Variants in E2F3 observed in about 807,000 individuals in gnomAD.
The protein encoded by E2F3 is E2F transcription factor 3, also known as transcription factor E2F3.
In E2F3, 11 loss-of-function variants were observed where a neutral mutation model predicts 44.4. That is an observed-to-expected ratio of 0.25 (90% confidence interval 0.16 to 0.41). The LOEUF (loss-of-function observed/expected upper bound fraction) is 0.41. Among genes scored for constraint, E2F3 ranks in the 10% least tolerant of loss-of-function variants. The pLI, the probability that E2F3 is intolerant of heterozygous loss-of-function variation, is 1.00. For missense variants in E2F3, 487 were observed against 583.6 expected (o/e 0.83, Z 1.70); for synonymous variants, 249 against 253.0 (o/e 0.98, Z 0.15).
At chr6:20,405,816 C>T (rs1248573796) in intron 1 of E2F3, among the ~76,000 whole-genome samples, 3 of 151,832 alleles carry the variant, frequency 2.0e-5, no homozygotes, top group Admixed American at 6.6e-5. Context: ...AGCGAGATTC[C>T]GTCTCAAAAA....
At position 20,491,622 on chromosome 6, in the gene E2F3, A is replaced by T. The variant is rs1762555200; in HGVS notation, c.*1192A>T. ...GGGCTCTCTTACACCGCACTCAGGGAGACCACTTCTCAGGATGGGGTCAGA... is the reference window on the plus strand; with the variant it reads ...GGGCTCTCTTACACCGCACTCAGGGTGACCACTTCTCAGGATGGGGTCAGA... On this transcript the variant is annotated 3_prime_UTR_variant, in exon 7 of 7. Transcript: ENST00000346618. The T allele has an allele frequency of 5.1e-6, 1 of 194,304 alleles. No individual in the cohort carries two copies. The highest frequency in any genetic ancestry group is 1.1e-5 in the Non-Finnish European group (1 of 92,970). 12.0% of individuals were successfully genotyped at this position (194,304 alleles called of 1,614,324 possible).
intron 6 of E2F3, among the ~76,000 whole-genome samples, chr6:20,488,883 A>C (rs1762475940): frequency 6.6e-6 from 1 of 151,974 alleles, no homozygotes. Flanking sequence ...AATCCCTGCT[A>C]CTCGGGAGGC....
intron 1 of E2F3, chr6:20,452,505 C>T (rs2127601598): frequency 6.6e-6 from 1 of 152,160 alleles, no homozygotes; most frequent in Non-Finnish European, 1.5e-5. Flanking sequence ...GCACTCCTGT[C>T]AACTTAATTA....
In E2F3 at chr6:20,490,294, C is replaced by T. The variant is rs1417561849; in HGVS notation, c.1262C>T (p.Pro421Leu). 1.9e-6 allele frequency: 3 copies of T among 1,614,126 alleles called. No homozygotes were observed. The Admixed American group carries it at 5.0e-5, about 27-fold the overall frequency. ...EDQIPSNLEGPFVNLLPPLLQ... is the reference protein window; with the variant it reads ...EDQIPSNLEGLFVNLLPPLLQ... The stretch of plus-strand genomic sequence containing the variant: ...CAAATTCCTTCCAACCTAGAAGGAC[C>T]GTTTGTGAACTTACTGCCTCCCCTG... Residue 421 changes from proline (P) to leucine (L), a missense_variant, in exon 7 of 7, where the codon CCG (proline) becomes CTG (leucine). Pro to Leu is a moderately conservative substitution (Grantham distance 98). Around this residue, in one of 3 missense-constraint regions of E2F3, gnomAD observed 220 missense variants for 261.7 expected, o/e 0.84. Coordinates refer to ENST00000346618, the MANE Select transcript of E2F3 (RefSeq NM_001949.5). The surrounding 1 kb of genome is among the most constrained non-coding windows in gnomAD (Gnocchi z 4.3).
intron 1 of E2F3, among the ~76,000 whole-genome samples, chr6:20,475,432 G>A (rs1762013969): frequency 6.6e-6 from 1 of 152,194 alleles, no homozygotes; most frequent in African/African-American, 2.4e-5. Context: ...ACCAGTGGGT[G>A]GTTCTTTACT....
rs979316507 is a variant in E2F3, at chr6:20,491,990, C to T, written c.*1560C>T. The stretch of plus-strand genomic sequence containing the variant: ...GGGAATATGGCGTAGTATCTCCGGT[C>T]CATTCCTTGGATGCTAAGGACTGCG... On this transcript the variant is annotated 3_prime_UTR_variant, in exon 7 of 7. Coordinates refer to ENST00000346618, the MANE Select transcript of E2F3 (RefSeq NM_001949.5). 1 of 187,832 alleles carries T rather than the reference C, an allele frequency of 5.3e-6. No individual in the cohort carries two copies. The highest frequency in any genetic ancestry group is 2.3e-5 in the African/African-American group (1 of 42,786). The allele number at this position is 187,832 out of a possible 1,614,324, so 11.6% of individuals were successfully genotyped here. A position where few individuals can be genotyped will look rare whatever the true frequency, so the allele number is the denominator to read the frequency against.
At chr6:20,450,962 T>G (rs1022871434) in intron 1 of E2F3, among the ~76,000 whole-genome samples, 2 of 152,150 alleles carry the variant, frequency 1.3e-5, no homozygotes, top group African/African-American at 4.8e-5. Flanking sequence ...ACTTCTGGGC[T>G]CTCATTCTGT....
At chr6:20,446,072 GAA>G (rs762960517) in intron 1 of E2F3, among the ~76,000 whole-genome samples, 1 of 152,142 alleles carries the variant, frequency 6.6e-6, no homozygotes, top group African/African-American at 2.4e-5. Flanking sequence ...AGGACCCAGA[GAA>G]AACCCACGCG....
At chr6:20,479,814 C>T (rs370761230) in intron 1 of E2F3, 32 bp from the exon 2 acceptor site, 32 of 1,572,984 alleles carry the variant, frequency 2.0e-5, no homozygotes, top group East Asian at 4.5e-5. Flanking sequence ...TCCATATGAC[C>T]GGTGACGAGA....
chr6:20,429,701 A>G (rs1760334654), intron 1 of E2F3, among the ~76,000 whole-genome samples: 1 of 152,014 alleles, frequency 6.6e-6, no homozygotes, highest in African/African-American at 2.4e-5. Flanking sequence ...ATTTTTTTCC[A>G]ACCACTTTCT....
rs1581662679 is a variant in E2F3, at chr6:20,488,251, A to G, written c.1135+3A>G. 6.3e-7 allele frequency: 1 copy of G among 1,580,956 alleles called. No individual in the cohort carries two copies. The highest frequency in any genetic ancestry group is 8.5e-7 in the Non-Finnish European group (1 of 1,170,456). On this transcript the variant is annotated splice_donor_region_variant and intron_variant, in intron 6 of 6. Transcript: ENST00000346618. ...TATCCCTAAACCCGCTTCCAAAGGT[A>G]AAAACTCCACTTTTGTCTTTTAGAA... is the stretch of plus-strand genomic sequence containing the variant.
At chr6:20,413,104 C>G (rs369030230) in intron 1 of E2F3, among the ~76,000 whole-genome samples, 3 of 152,184 alleles carry the variant, frequency 2.0e-5, no homozygotes, top group Non-Finnish European at 4.4e-5. Context: ...ACCCAAGGAG[C>G]CTGGCTCCAT....
intron 4 of E2F3, among the ~76,000 whole-genome samples, 170 bp from the exon 5 acceptor site, chr6:20,486,519 G>A (rs969591496): frequency 6.6e-6 from 1 of 152,132 alleles, no homozygotes. Flanking sequence ...TGATCCACCC[G>A]CCTCGGCCTC....
intron 1 of E2F3, among the ~76,000 whole-genome samples, chr6:20,427,303 G>A (rs1233255972): frequency 6.6e-6 from 1 of 152,128 alleles, no homozygotes; most frequent in Admixed American, 6.6e-5. Context: ...TCTCATTTAT[G>A]CTCCATTGAC....
chr6:20,478,095 A>G (rs1240218803), intron 1 of E2F3, among the ~76,000 whole-genome samples: 1 of 152,040 alleles, frequency 6.6e-6, no homozygotes, highest in East Asian at 1.9e-4. Flanking sequence ...TCTACTCAGG[A>G]GGCTGAGATG....
chr6:20,407,082 C>A (rs1759517445), intron 1 of E2F3, among the ~76,000 whole-genome samples: 1 of 152,094 alleles, frequency 6.6e-6, no homozygotes, highest in South Asian at 2.1e-4. Context: ...GAATGGAGAA[C>A]CATAGGTGCT....
rs1228144540 is a variant in E2F3 at position 20,401,900 on chromosome 6, C to T, written c.-333C>T. On this transcript the variant is annotated 5_prime_UTR_variant, in exon 1 of 7. Transcript: ENST00000346618. The stretch of plus-strand genomic sequence containing the variant: ...CTTCATTCATTGTCAGCAGCAGCTT[C>T]CTGGAGCCATTTTTCAGCTGCCGGC... 3 of 384,914 alleles carry T rather than the reference C, an allele frequency of 7.8e-6. No homozygotes were observed. Among genetic ancestry groups the T allele is most frequent in the South Asian group, 4.9e-5 (1 of 20,330 alleles). 23.8% of individuals were successfully genotyped at this position (384,914 alleles called of 1,614,324 possible).
chr6:20,430,014 A>T (rs1436129809), intron 1 of E2F3, among the ~76,000 whole-genome samples: 1 of 152,184 alleles, frequency 6.6e-6, no homozygotes, highest in Non-Finnish European at 1.5e-5. Flanking sequence ...TGTTCTAACT[A>T]ATCATGCTTT....
intron 5 of E2F3, 137 bp from the exon 6 acceptor site, chr6:20,487,976 T>C: frequency 8.2e-7 from 1 of 1,214,676 alleles, no homozygotes; most frequent in South Asian, 1.4e-5. Context: ...TGACAGTCTT[T>C]CATAGAGTTG....
Sources: gnomAD v4.1 joint callset for allele counts (sites outside exome capture counted in the v4.1 genomes callset) on GRCh38, gnomAD v4.1.1 for gene constraint, gnomAD v4.1.1 regional missense constraint, Gnocchi (gnomAD v3.1) non-coding constraint, MANE v1.5 for transcripts, NCBI Gene and HGNC (gene_info 2026-07-23, HGNC 2026-07-21) for gene names.